TLN2: variants seen among roughly 807,000 people sequenced by gnomAD.
TLN2 encodes the protein talin 2, also known as talin-2.
In TLN2, 118 loss-of-function variants were observed where a neutral mutation model predicts 294.7. The ratio of observed to expected loss-of-function variants is 0.40; its 90% CI spans 0.34 to 0.47. The LOEUF is 0.47. Among genes scored for constraint, TLN2 ranks in the 20% least tolerant of loss-of-function variants. The pLI is 0.84. For synonymous variants in TLN2, 1,431 were observed against 1,304.5 expected (o/e 1.10, Z -2.09); for missense variants, 3,083 against 3,282.2 (o/e 0.94, Z 1.48).
At chr15:62,453,742 G>T (rs1232490956) in intron 1 of TLN2, 1 of 152,224 alleles carries the variant, frequency 6.6e-6, no homozygotes, top group Non-Finnish European at 1.5e-5. Context: ...TCTGCACTGA[G>T]TAAGTCCGGG....
In TLN2 at chr15:62,673,203, A is replaced by T. The variant is rs552418479; in HGVS notation, c.789-624A>T. Among the ~76,000 whole-genome samples, 4 of 152,030 alleles carry T rather than the reference A, an allele frequency of 2.6e-5. No homozygotes were observed. In the South Asian group the frequency reaches 8.3e-4, roughly 32 times the overall value. ...TTGCCCATAATATCTTACAAGGGAT[A>T]CACAGTCAAAAGACTGTTTTGCAGT... is the stretch of plus-strand genomic sequence containing the variant. On this transcript the variant is annotated intron_variant, in intron 9 of 58. Coordinates refer to ENST00000636159, the MANE Select transcript of TLN2 (RefSeq NM_015059.3).
chr15:62,394,065 C>T (rs987270195), intron 1 of TLN2, among the ~76,000 whole-genome samples: 20 of 152,172 alleles, frequency 1.3e-4, no homozygotes, highest in African/African-American at 4.1e-4. Context: ...CATGAGACAC[C>T]GCACCTGGCC....
chr15:62,798,430 A>G (rs2065680543), intron 48 of TLN2, among the ~76,000 whole-genome samples: 1 of 152,202 alleles, frequency 6.6e-6, no homozygotes, highest in Non-Finnish European at 1.5e-5. Flanking sequence ...CTCTTGGCAC[A>G]TAGTGGCTAC....
intron 32 of TLN2, among the ~76,000 whole-genome samples, chr15:62,746,538 A>G (rs960754153): frequency 6.6e-6 from 1 of 152,214 alleles, no homozygotes; most frequent in Non-Finnish European, 1.5e-5. Context: ...CTCAATTTGA[A>G]ATTGAAAGCA....
In TLN2 at chr15:62,653,223, A is replaced by G; in HGVS notation, c.426A>G (p.Glu142=). The G allele has an allele frequency of 6.2e-7, 1 of 1,612,506 alleles. No individual in the cohort carries two copies. The highest frequency in any genetic ancestry group is 8.5e-7 in the Non-Finnish European group (1 of 1,179,424). The change falls in exon 7 of 59, where the codon GAA becomes GAG. Residue 142 remains glutamate, a synonymous_variant. Coordinates refer to ENST00000636159, the MANE Select transcript of TLN2 (RefSeq NM_015059.3). ...IQETIEEKKE[E]GTGTLKKDRT... ...AAACTATTGAAGAAAAGAAAGAGGAAGGAACGGGCACACTCAAAAAAGACA... is the reference window on the plus strand; with the variant it reads ...AAACTATTGAAGAAAAGAAAGAGGAGGGAACGGGCACACTCAAAAAAGACA...
In TLN2 at chr15:62,776,955, C is replaced by G. The variant is rs368723125; in HGVS notation, c.5514+45C>G. On this transcript the variant is annotated intron_variant, in intron 43 of 58. Transcript: ENST00000636159. ...CTCTCTACTCCCTTATCTCCCTCAC[C>G]CATGGGCCTCGCGTGCTTTTCTCTA... is the stretch of plus-strand genomic sequence containing the variant. 6.5e-5 allele frequency: 91 copies of G among 1,394,736 alleles called. 1 individual carries two copies. Among genetic ancestry groups the G allele is most frequent in the Non-Finnish European group, 8.4e-5 (89 of 1,064,026 alleles). The allele number at this position is 1,394,736 out of a possible 1,614,324, so 86.4% of individuals were successfully genotyped here.
intron 28 of TLN2, among the ~76,000 whole-genome samples, chr15:62,730,441 C>A (rs1251208707): frequency 6.6e-6 from 1 of 152,170 alleles, no homozygotes; most frequent in Non-Finnish European, 1.5e-5. Context: ...GTTGCCCTTT[C>A]CATCACCCTT....
At chr15:62,729,931 TTAAATC>T (rs2094964641) in intron 28 of TLN2, among the ~76,000 whole-genome samples, 1 of 152,184 alleles carries the variant, frequency 6.6e-6, no homozygotes, top group African/African-American at 2.4e-5. Flanking sequence ...TATGATTTCT[TTAAATC>T]TAAGTTACTC....
intron 1 of TLN2, among the ~76,000 whole-genome samples, chr15:62,451,422 C>T (rs924506562): frequency 3.3e-5 from 5 of 152,194 alleles, no homozygotes; most frequent in East Asian, 3.9e-4. Context: ...TTTGGGAGGC[C>T]GAGGCGGGTG....
At chr15:62,796,957 A>G (rs1411967545) in intron 47 of TLN2, among the ~76,000 whole-genome samples, 1 of 152,192 alleles carries the variant, frequency 6.6e-6, no homozygotes, top group Non-Finnish European at 1.5e-5. Flanking sequence ...GAAGGGAGCC[A>G]GGTTGGTGGG....
At chr15:62,747,156 T>C (rs2061661818) in intron 32 of TLN2, among the ~76,000 whole-genome samples, 1 of 152,186 alleles carries the variant, frequency 6.6e-6, no homozygotes, top group Non-Finnish European at 1.5e-5. Flanking sequence ...CTTTCAAAAT[T>C]ATCCATGTCA....
rs774463478 is a variant in TLN2, at chr15:62,712,012, A to G, written c.2569A>G (p.Lys857Glu). The change falls in exon 22 of 59, where the codon AAG becomes GAG. Residue 857 changes from lysine to glutamate, a missense_variant. Physicochemically the swap from Lys to Glu is moderately conservative, Grantham distance 56 (BLOSUM62 1). Coordinates refer to ENST00000636159, the MANE Select transcript of TLN2 (RefSeq NM_015059.3). ...AGCCGAAATCGACATGGAGAATTCAAAGAAGCTCCTGGCAGCAGCAAAACT... is the reference window on the plus strand; with the variant it reads ...AGCCGAAATCGACATGGAGAATTCAGAGAAGCTCCTGGCAGCAGCAAAACT... Reference protein sequence around the residue: ...AEAEIDMENSKKLLAAAKLLA... With the variant: ...AEAEIDMENSEKLLAAAKLLA... 7 of 1,614,250 alleles carry G rather than the reference A, an allele frequency of 4.3e-6. No homozygotes were observed. Among genetic ancestry groups the G allele is most frequent in the Non-Finnish European group, 5.9e-6 (7 of 1,180,040 alleles).
At chr15:62,639,904 T>C (rs773196432) in intron 3 of TLN2, among the ~76,000 whole-genome samples, 2 of 152,038 alleles carry the variant, frequency 1.3e-5, no homozygotes, top group Non-Finnish European at 2.9e-5. Flanking sequence ...CCTGCTTCCT[T>C]CCCTCCTGGT....
intron 1 of TLN2, among the ~76,000 whole-genome samples, chr15:62,396,584 G>C (rs1416174756): frequency 1.3e-5 from 2 of 152,126 alleles, no homozygotes; most frequent in African/African-American, 4.8e-5. Flanking sequence ...GTTTCCCTCT[G>C]CCCCAGGAGG....
At chr15:62,410,031 C>T (rs970029084) in intron 1 of TLN2, among the ~76,000 whole-genome samples, 1 of 152,120 alleles carries the variant, frequency 6.6e-6, no homozygotes, top group Non-Finnish European at 1.5e-5. Flanking sequence ...ATCACGAGGT[C>T]AGGAGTTCAA....
intron 1 of TLN2, among the ~76,000 whole-genome samples, chr15:62,503,891 T>G (rs1331480362): frequency 6.6e-6 from 1 of 152,204 alleles, no homozygotes; most frequent in East Asian, 1.9e-4. Context: ...CTCCCTTTGA[T>G]TCTTAGTTTT....
intron 46 of TLN2, among the ~76,000 whole-genome samples, chr15:62,795,292 T>A (rs559599265): frequency 6.6e-6 from 1 of 151,978 alleles, no homozygotes; most frequent in South Asian, 2.1e-4. Context: ...TTTGGGAAAG[T>A]CAGGAGCTGG....
chr15:62,508,689 T>A (rs2039766551), intron 1 of TLN2, among the ~76,000 whole-genome samples: 1 of 152,246 alleles, frequency 6.6e-6, no homozygotes, highest in African/African-American at 2.4e-5. Context: ...AAATTTTTCA[T>A]AACTTAGGTA....
rs139851087 is a variant in TLN2 at position 62,601,795 on chromosome 15, C to T, written c.-162+12033C>T. Reference sequence around the variant, plus strand: ...TGTTCTTTTATTTTCAAGGCAGCAGCGTCCAAAAGAGATCACTGAGACTTT... The same window carrying T: ...TGTTCTTTTATTTTCAAGGCAGCAGTGTCCAAAAGAGATCACTGAGACTTT... On this transcript the variant is annotated intron_variant, in intron 2 of 58. Coordinates refer to ENST00000636159, the MANE Select transcript of TLN2 (RefSeq NM_015059.3). Among the ~76,000 whole-genome samples, 598 of 152,216 alleles carry T rather than the reference C, an allele frequency of 3.9e-3. 2 individuals carry two copies. The highest frequency in any genetic ancestry group is 0.012 in the Admixed American group (187 of 15,288).
Sources: allele counts gnomAD v4.1 joint callset (sites outside exome capture counted in the v4.1 genomes callset), GRCh38; gene constraint gnomAD v4.1.1; transcripts MANE v1.5; gene names NCBI Gene and HGNC (gene_info 2026-07-23, HGNC 2026-07-21).